The following NICOL1 variants were observed in gnomAD, a reference collection of about 807,000 sequenced individuals.
The protein encoded by NICOL1 is NELL2 interacting cell ontogeny regulator 1, also known as NELL2-interacting cell ontogeny regulator 1.
At chr4:2,041,534 G>T in the NICOL1 span, among the ~76,000 whole-genome samples, 1 of 152,212 alleles carries the variant, frequency 6.6e-6, no homozygotes, top group Admixed American at 6.5e-5. Context: ...TCGGGGAGAG[G>T]CTGGGCCAGG....
At chr4:2,042,598 C>T in the NICOL1 span, 7 of 518,302 alleles carry the variant, frequency 1.4e-5, no homozygotes, top group Non-Finnish European at 2.3e-5. Flanking sequence ...GGAGCGGGTC[C>T]TCCCCTTCGC....
the NICOL1 span, chr4:2,042,355 G>GC: frequency 5.3e-5 from 27 of 509,686 alleles, no homozygotes; most frequent in South Asian, 1.5e-4. Flanking sequence ...GCTGGCCATG[G>GC]CCCCCCCGCC....
the NICOL1 span, chr4:2,042,921 C>G: frequency 6.4e-6 from 5 of 781,356 alleles, no homozygotes; most frequent in Admixed American, 7.0e-5. Context: ...TGGAGTGTCC[C>G]TCATCCTTCA....
the NICOL1 span, chr4:2,041,955 A>G: frequency 1.4e-6 from 2 of 1,453,250 alleles, no homozygotes; most frequent in Non-Finnish European, 1.8e-6. Flanking sequence ...CATGACGACG[A>G]CGTCGGATGG....
At chr4:2,043,862 C>T in the NICOL1 span, 25 of 1,549,304 alleles carry the variant, frequency 1.6e-5, no homozygotes, top group South Asian at 8.4e-5. Context: ...GCTTTGCAGA[C>T]GGAGACCCTA....
the NICOL1 span, chr4:2,041,953 C>A: frequency 6.9e-7 from 1 of 1,452,468 alleles, no homozygotes. Flanking sequence ...TCCATGACGA[C>A]GACGTCGGAT....
At chr4:2,042,730 C>A in the NICOL1 span, 3 of 1,509,356 alleles carry the variant, frequency 2.0e-6, no homozygotes, top group African/African-American at 1.4e-5. Flanking sequence ...CCCGCGCCCC[C>A]CGCAGGCCGC....
the NICOL1 span, chr4:2,042,046 G>T: frequency 2.7e-6 from 4 of 1,473,716 alleles, no homozygotes; most frequent in Non-Finnish European, 3.6e-6. Context: ...CCGCGCTGCT[G>T]GTCCCGGGGT....
At chr4:2,042,709 C>T in the NICOL1 span, 5 of 1,452,570 alleles carry the variant, frequency 3.4e-6, no homozygotes, top group Non-Finnish European at 2.8e-6. Flanking sequence ...CCTGCGCCCC[C>T]TCCACCCTGA....
chr4:2,041,364 C>G, the NICOL1 span, among the ~76,000 whole-genome samples: 3 of 152,220 alleles, frequency 2.0e-5, no homozygotes, highest in African/African-American at 7.2e-5. Context: ...GTTCACGGGA[C>G]TGAAATCGGC....
the NICOL1 span, among the ~76,000 whole-genome samples, chr4:2,040,416 G>C: frequency 1.3e-5 from 2 of 152,238 alleles, no homozygotes; most frequent in East Asian, 1.9e-4. Flanking sequence ...GTGGGCGCTA[G>C]GGGCAGGGGT....
chr4:2,042,839 C>G, the NICOL1 span: 1 of 1,470,090 alleles, frequency 6.8e-7, no homozygotes. Context: ...GCGCCCGCGG[C>G]GCGACGGTCC....
chr4:2,038,543 C>A, the NICOL1 span, among the ~76,000 whole-genome samples: 1 of 151,842 alleles, frequency 6.6e-6, no homozygotes. Flanking sequence ...GTGATCCTCC[C>A]GTCTCTTATA....
At chr4:2,041,359 C>T in the NICOL1 span, among the ~76,000 whole-genome samples, 2 of 152,204 alleles carry the variant, frequency 1.3e-5, no homozygotes, top group Admixed American at 6.5e-5. Context: ...CCTGAGTTCA[C>T]GGGACTGAAA....
the NICOL1 span, among the ~76,000 whole-genome samples, chr4:2,039,240 C>T: frequency 6.6e-6 from 1 of 151,626 alleles, no homozygotes; most frequent in Non-Finnish European, 1.5e-5. Flanking sequence ...ATGGTGACAC[C>T]CCATGTCTAC....
chr4:2,041,022 C>T, the NICOL1 span, among the ~76,000 whole-genome samples: 6 of 151,994 alleles, frequency 3.9e-5, no homozygotes, highest in Non-Finnish European at 8.8e-5. Context: ...GCCCGAGGCT[C>T]CGGGTCCTGC....
At chr4:2,037,080 G>C in the NICOL1 span, among the ~76,000 whole-genome samples, 3 of 152,044 alleles carry the variant, frequency 2.0e-5, no homozygotes, top group South Asian at 6.2e-4. Flanking sequence ...GAGTTCTCAC[G>C]AGATCTTGTT....
chr4:2,038,237 G>GTATATATATATA, the NICOL1 span, among the ~76,000 whole-genome samples: 16 of 91,464 alleles, frequency 1.7e-4, no homozygotes, highest in Non-Finnish European at 3.5e-4. Context: ...TGATCAGTGT[G>GTATATATATATA]TATATATATA....
chr4:2,043,925 G>C, the NICOL1 span: 1 of 1,547,978 alleles, frequency 6.5e-7, no homozygotes. Context: ...GCGGGGCACT[G>C]AGGACCACGC....
Sources: allele counts gnomAD v4.1 joint callset (sites outside exome capture counted in the v4.1 genomes callset), GRCh38; gene constraint gnomAD v4.1.1; transcripts MANE v1.5; gene names NCBI Gene and HGNC (gene_info 2026-07-23, HGNC 2026-07-21).